Variants in GRIP1 observed in about 807,000 individuals in gnomAD.
The protein encoded by GRIP1 is glutamate receptor-interacting protein 1.
GRIP1 carries 45 observed loss-of-function variants against 129.9 expected under a neutral mutation model. The observed-to-expected ratio is 0.35, with a 90% CI of 0.27 to 0.44. GRIP1 has a LOEUF of 0.44. Ranked by LOEUF, GRIP1 falls within the 20% of genes least tolerant of loss-of-function variation. The pLI is 1.00. For missense variants in GRIP1, 1,196 were observed against 1,396.8 expected, an observed-to-expected ratio of 0.86 and a Z score of 2.29; for synonymous variants, 530 against 520.8, an observed-to-expected ratio of 1.02 and a Z score of -0.24.
intron 1 of GRIP1, among the ~76,000 whole-genome samples, chr12:66,851,936 C>T (rs1424754728): frequency 1.3e-5 from 2 of 152,096 alleles, no homozygotes; most frequent in African/African-American, 4.8e-5. Flanking sequence ...GCCAACCTGT[C>T]ATGATAGTTC....
At position 67,024,732 on chromosome 12, in the gene GRIP1, C is replaced by T. The variant is rs564453244; in HGVS notation, c.58+44318G>A. Among the ~76,000 whole-genome samples the T allele has an allele frequency of 2.0e-5, 3 of 152,248 alleles. No homozygotes were observed. The East Asian group carries it at 5.8e-4, about 29-fold the overall frequency. ...TACAAAAGATCACTAATACAAATGG[C>T]TACTCTTCCATATTTAATTTTATTT... On this transcript the variant is annotated intron_variant, in intron 1 of 1. Coordinates refer to the GRIP1 transcript ENST00000643019.
intron 1 of GRIP1, among the ~76,000 whole-genome samples, chr12:66,646,831 T>G (rs956574669): frequency 6.6e-6 from 1 of 151,996 alleles, no homozygotes; most frequent in Non-Finnish European, 1.5e-5. Flanking sequence ...AAGAGGTGAG[T>G]GCTGAAAGGA....
At chr12:66,939,758 G>A (rs1037897569) in intron 1 of GRIP1, among the ~76,000 whole-genome samples, 2 of 151,798 alleles carry the variant, frequency 1.3e-5, no homozygotes, top group Non-Finnish European at 2.9e-5. Flanking sequence ...AAATATCTTA[G>A]AGTTCACAAA....
At chr12:66,823,966 G>A (rs1341115355) in intron 1 of GRIP1, among the ~76,000 whole-genome samples, 1 of 152,274 alleles carries the variant, frequency 6.6e-6, no homozygotes, top group South Asian at 2.1e-4. Context: ...AGTGTAACCA[G>A]TTCTAACTCT....
At chr12:66,643,238 C>T (rs2032086059) in intron 1 of GRIP1, among the ~76,000 whole-genome samples, 1 of 152,140 alleles carries the variant, frequency 6.6e-6, no homozygotes, top group Non-Finnish European at 1.5e-5. Flanking sequence ...TGGGTTTCAC[C>T]CAGAAACCCT....
chr12:66,761,015 A>G (rs2037457937), intron 1 of GRIP1, among the ~76,000 whole-genome samples: 1 of 151,950 alleles, frequency 6.6e-6, no homozygotes, highest in Non-Finnish European at 1.5e-5. Context: ...AATTTCTTCA[A>G]ATTTACTAGT....
chr12:66,394,432 G>T (rs2056713874), intron 16 of GRIP1, 80 bp from the exon 17 acceptor site: 2 of 1,189,052 alleles, frequency 1.7e-6, no homozygotes. Context: ...ATACATAAAA[G>T]AATTCAAAAC....
At chr12:66,998,840 C>A (rs137872521) in intron 1 of GRIP1, among the ~76,000 whole-genome samples, 10 of 152,156 alleles carry the variant, frequency 6.6e-5, no homozygotes, top group Admixed American at 2.0e-4. Flanking sequence ...GCATTAACAT[C>A]TTCCTCTTTA....
chr12:66,574,501 C>A (rs2063071759), intron 2 of GRIP1, among the ~76,000 whole-genome samples: 1 of 152,316 alleles, frequency 6.6e-6, no homozygotes, highest in East Asian at 1.9e-4. Context: ...TCCAACATAC[C>A]AATATGTCTT....
intron 5 of GRIP1, among the ~76,000 whole-genome samples, chr12:66,522,509 G>T (rs2061052356): frequency 3.9e-5 from 6 of 152,116 alleles, no homozygotes; most frequent in Admixed American, 3.9e-4. Flanking sequence ...AAAGAGAAAG[G>T]ACATCCACAC....
intron 1 of GRIP1, among the ~76,000 whole-genome samples, chr12:67,003,385 T>A (rs2042580024): frequency 6.6e-6 from 1 of 152,210 alleles, no homozygotes; most frequent in Non-Finnish European, 1.5e-5. Flanking sequence ...GTAATACATT[T>A]TGACATCTTA....
At chr12:66,626,681 GA>G (rs1286333546) in intron 1 of GRIP1, 2 of 152,752 alleles carry the variant, frequency 1.3e-5, no homozygotes, top group African/African-American at 4.8e-5. Context: ...GTAAGCTGGG[GA>G]AGGTGAGAAG....
At chr12:66,733,914 T>C (rs904702067) in intron 1 of GRIP1, among the ~76,000 whole-genome samples, 65 of 152,278 alleles carry the variant, frequency 4.3e-4, no homozygotes, top group African/African-American at 1.5e-3. Context: ...CAGAGGTAAG[T>C]GTGCTAAAGC....
At chr12:66,738,668 G>A (rs1167625867) in intron 1 of GRIP1, among the ~76,000 whole-genome samples, 2 of 152,208 alleles carry the variant, frequency 1.3e-5, no homozygotes, top group African/African-American at 4.8e-5. Context: ...AGGGGACACA[G>A]GGAGATGAGC....
chr12:66,471,671 AT>A (rs1334830863), intron 7 of GRIP1, among the ~76,000 whole-genome samples: 2 of 152,190 alleles, frequency 1.3e-5, no homozygotes, highest in African/African-American at 4.8e-5. Flanking sequence ...AATAAAGATG[AT>A]TCTAGCAGAG....
At chr12:66,472,166 C>T (rs1483738792) in intron 7 of GRIP1, among the ~76,000 whole-genome samples, 2 of 152,176 alleles carry the variant, frequency 1.3e-5, no homozygotes, top group Non-Finnish European at 1.5e-5. Context: ...GTCTGTCCAC[C>T]TCATAGTCCC....
At chr12:66,648,840 T>C (rs919297666) in intron 1 of GRIP1, among the ~76,000 whole-genome samples, 1 of 152,204 alleles carries the variant, frequency 6.6e-6, no homozygotes, top group African/African-American at 2.4e-5. Context: ...CTTAGTTGCA[T>C]GAATAACATT....
At chr12:66,483,651 T>C (rs898993172) in intron 7 of GRIP1, among the ~76,000 whole-genome samples, 1 of 152,216 alleles carries the variant, frequency 6.6e-6, no homozygotes, top group Non-Finnish European at 1.5e-5. Context: ...GTACCCTGCT[T>C]ATTAGGTAAT....
chr12:66,792,476 G>A (rs1291089763), intron 1 of GRIP1, among the ~76,000 whole-genome samples: 2 of 152,086 alleles, frequency 1.3e-5, no homozygotes, highest in African/African-American at 2.4e-5. Context: ...TTGGGAGGCC[G>A]AGGGGTGAGC....
Sources: allele counts gnomAD v4.1 joint callset (sites outside exome capture counted in the v4.1 genomes callset), GRCh38; gene constraint gnomAD v4.1.1; transcripts MANE v1.5; gene names NCBI Gene and HGNC (gene_info 2026-07-23, HGNC 2026-07-21).